Variants in ASTN2 observed in about 807,000 individuals in gnomAD.
The protein encoded by ASTN2 is astrotactin-2.
Under a neutral mutation model 139.8 loss-of-function variants are expected in ASTN2, and 54 were observed. The observed-to-expected ratio is 0.39, with a 90% confidence interval of 0.31 to 0.48. The LOEUF is 0.48. ASTN2 is among the 20% of genes least tolerant of loss of function. The pLI is 0.95. For synonymous variants in ASTN2, 756 were observed against 719.5 expected, an observed-to-expected ratio of 1.05 and a Z score of -0.81; for missense variants, 1,565 against 1,725.1, an observed-to-expected ratio of 0.91 and a Z score of 1.64.
intron 1 of ASTN2, among the ~76,000 whole-genome samples, chr9:117,405,194 GA>G (rs1228395247): frequency 2.6e-5 from 4 of 152,162 alleles, no homozygotes; most frequent in African/African-American, 9.7e-5. Flanking sequence ...GATGACATAA[GA>G]AGTAAAAAAG....
At chr9:117,072,943 A>C (rs1340564384) in intron 5 of ASTN2, among the ~76,000 whole-genome samples, 1 of 152,160 alleles carries the variant, frequency 6.6e-6, no homozygotes, top group Non-Finnish European at 1.5e-5. Flanking sequence ...AAGACTTCAA[A>C]GAGGAAAAAC....
chr9:116,522,489 T>C (rs1411808712), intron 19 of ASTN2, among the ~76,000 whole-genome samples: 1 of 152,004 alleles, frequency 6.6e-6, no homozygotes, highest in African/African-American at 2.4e-5. Context: ...ATAAGAATGA[T>C]ACATTGGACT....
chr9:116,568,777 C>T (rs1377069951), intron 19 of ASTN2: 1 of 152,286 alleles, frequency 6.6e-6, no homozygotes. Flanking sequence ...CCAAATTGAA[C>T]CAGGCAAGAC....
intron 1 of ASTN2, among the ~76,000 whole-genome samples, chr9:117,359,597 T>C (rs1451424934): frequency 6.6e-6 from 1 of 152,212 alleles, no homozygotes; most frequent in African/African-American, 2.4e-5. Context: ...TTAACTTTGT[T>C]GAACCATATG....
At chr9:116,820,842 AC>A in intron 11 of ASTN2, 59 bp from the exon 12 acceptor site, 9 of 1,510,100 alleles carry the variant, frequency 6.0e-6, no homozygotes, top group Non-Finnish European at 8.1e-6. Flanking sequence ...GCCCCATCAC[AC>A]CCTCTCCTCC....
At chr9:116,901,176 T>C (rs142975520) in intron 10 of ASTN2, among the ~76,000 whole-genome samples, 95 of 152,242 alleles carry the variant, frequency 6.2e-4, no homozygotes, top group African/African-American at 2.2e-3. Flanking sequence ...ACTCACCTTA[T>C]ATGCCCATAT....
At chr9:116,440,480 CA>C (rs1395531138) in intron 22 of ASTN2, 128 bp downstream of exon 22, 11 of 849,022 alleles carry the variant, frequency 1.3e-5, no homozygotes, top group Non-Finnish European at 1.6e-5. Flanking sequence ...TTAGCCTTGA[CA>C]CGACCAAGGT....
chr9:116,523,842 T>G (rs1587934863), intron 19 of ASTN2, among the ~76,000 whole-genome samples: 2 of 152,258 alleles, frequency 1.3e-5, no homozygotes, highest in South Asian at 2.1e-4. Context: ...ATTACTTTGG[T>G]ACTTTAAAAG....
At chr9:116,915,756 C>T (rs1174965239) in intron 10 of ASTN2, among the ~76,000 whole-genome samples, 2 of 152,196 alleles carry the variant, frequency 1.3e-5, no homozygotes, top group African/African-American at 4.8e-5. Flanking sequence ...TTCTGGACCT[C>T]ACGCTATGTA....
intron 19 of ASTN2, among the ~76,000 whole-genome samples, chr9:116,540,084 A>G (rs1049646728): frequency 6.6e-6 from 1 of 152,188 alleles, no homozygotes; most frequent in Non-Finnish European, 1.5e-5. Flanking sequence ...GCTACATGAG[A>G]CTGCTTTTCC....
chr9:117,267,481 T>C (rs1239549611), intron 2 of ASTN2, among the ~76,000 whole-genome samples: 1 of 152,172 alleles, frequency 6.6e-6, no homozygotes, highest in Non-Finnish European at 1.5e-5. Context: ...CTTGTTAATA[T>C]CTCAGTACAT....
rs144588192 is a variant in ASTN2 at position 116,644,427 on chromosome 9, A to G, written c.3072+7101T>C. On this transcript the variant is annotated intron_variant, in intron 17 of 22. Coordinates refer to ENST00000313400, the MANE Select transcript of ASTN2 (RefSeq NM_001365068.1). Reference sequence around the variant, plus strand: ...TATTTTACAGCCTTCAAAACATTGAAAGTCTCTTAATTTTTCTACAGACAG... The same window carrying G: ...TATTTTACAGCCTTCAAAACATTGAGAGTCTCTTAATTTTTCTACAGACAG... Among the ~76,000 whole-genome samples, 57 of 152,258 alleles carry G rather than the reference A, an allele frequency of 3.7e-4. No individual in the cohort carries two copies. The East Asian group carries it at 0.011, about 29-fold the overall frequency.
At chr9:116,609,990 T>TA (rs1180173394) in intron 19 of ASTN2, among the ~76,000 whole-genome samples, 1 of 151,908 alleles carries the variant, frequency 6.6e-6, no homozygotes, top group Non-Finnish European at 1.5e-5. Flanking sequence ...ACAAAGGAGA[T>TA]ATAATGGAAT....
chr9:117,286,076 T>C (rs1381036379), intron 2 of ASTN2, among the ~76,000 whole-genome samples: 1 of 152,188 alleles, frequency 6.6e-6, no homozygotes, highest in Non-Finnish European at 1.5e-5. Context: ...AATGAAATTA[T>C]ATTTCTCACT....
At chr9:116,442,344 C>A in intron 21 of ASTN2, 109 bp downstream of exon 21, 1 of 843,906 alleles carries the variant, frequency 1.2e-6, no homozygotes, top group Non-Finnish European at 2.0e-6. Flanking sequence ...TCTCCCTGTG[C>A]CAGTGTGTCA....
Position 117,045,988 on chromosome 9 carries a change from G to A in ASTN2, c.1277-6023C>T, listed in dbSNP as rs576351531. Among the ~76,000 whole-genome samples, 21 of 141,556 alleles carry A rather than the reference G, an allele frequency of 1.5e-4. 1 individual carries two copies. In the East Asian group the frequency reaches 3.7e-3, roughly 25 times the overall value. 92.9% of individuals were successfully genotyped at this position (141,556 alleles called of 152,430 possible). A position where few individuals can be genotyped will look rare whatever the true frequency, so the allele number is the denominator to read the frequency against. ...TGTATGTATGTATGTATGTACGTACGTACGTATGTATGTATGTATGTATGT... is the reference window on the plus strand; with the variant it reads ...TGTATGTATGTATGTATGTACGTACATACGTATGTATGTATGTATGTATGT... On this transcript the variant is annotated intron_variant, in intron 5 of 22. Coordinates refer to ENST00000313400, the MANE Select transcript of ASTN2 (RefSeq NM_001365068.1).
intron 16 of ASTN2, among the ~76,000 whole-genome samples, chr9:116,665,161 G>A (rs562112495): frequency 6.6e-6 from 1 of 152,162 alleles, no homozygotes; most frequent in Non-Finnish European, 1.5e-5. Context: ...TGCCATGCTT[G>A]TACAGCCTAC....
At chr9:116,845,200 C>T (rs1832391522) in intron 11 of ASTN2, among the ~76,000 whole-genome samples, 1 of 152,134 alleles carries the variant, frequency 6.6e-6, no homozygotes, top group Non-Finnish European at 1.5e-5. Flanking sequence ...ATGCAAGCTC[C>T]ACCTCCCGGG....
intron 2 of ASTN2, among the ~76,000 whole-genome samples, chr9:117,236,071 T>G (rs1281946536): frequency 6.6e-6 from 1 of 152,142 alleles, no homozygotes; most frequent in Non-Finnish European, 1.5e-5. Context: ...CATAGGTATG[T>G]TGGGGTAGGG....
Sources: gnomAD v4.1 joint callset for allele counts (sites outside exome capture counted in the v4.1 genomes callset) on GRCh38, gnomAD v4.1.1 for gene constraint, MANE v1.5 for transcripts, NCBI Gene and HGNC (gene_info 2026-07-23, HGNC 2026-07-21) for gene names.